Variants in B3GALT1 observed in about 807,000 individuals in gnomAD.
B3GALT1 encodes the protein beta-1,3-galactosyltransferase 1.
Under a neutral mutation model 23.2 loss-of-function variants are expected in B3GALT1, and 10 were observed. The ratio of observed to expected loss-of-function variants is 0.43; its 90% CI spans 0.27 to 0.73. The LOEUF is 0.73. B3GALT1 is among the 30% of genes least tolerant of loss of function. The probability of loss-of-function intolerance (pLI) is 0.21; values close to 1 mark genes in which losing one functional copy is unlikely to be tolerated. For synonymous variants in B3GALT1, 156 were observed against 141.5 expected (o/e 1.10, Z -0.73); for missense variants, 299 against 405.4 (o/e 0.74, Z 2.25).
chr2:167,325,610 G>A (rs1183374009), intron 1 of B3GALT1, among the ~76,000 whole-genome samples: 1 of 151,696 alleles, frequency 6.6e-6, no homozygotes. Flanking sequence ...TGAGATTTGG[G>A]TGAAAACACA....
intron 3 of B3GALT1, among the ~76,000 whole-genome samples, chr2:167,816,367 A>C (rs1045380094): frequency 1.3e-5 from 2 of 152,242 alleles, no homozygotes; most frequent in Non-Finnish European, 2.9e-5. Context: ...TAAAAGTTAC[A>C]TCTAAGTAAG....
chr2:167,509,640 C>G (rs1699973752), intron 2 of B3GALT1, among the ~76,000 whole-genome samples: 1 of 152,052 alleles, frequency 6.6e-6, no homozygotes, highest in Non-Finnish European at 1.5e-5. Flanking sequence ...CAACTAAAAG[C>G]ATTAGGAGGT....
intron 3 of B3GALT1, among the ~76,000 whole-genome samples, chr2:167,773,290 G>A: frequency 6.6e-6 from 1 of 152,168 alleles, no homozygotes; most frequent in South Asian, 2.1e-4. Flanking sequence ...GTGTATATAT[G>A]TATGTATATA....
chr2:167,457,829 T>C (rs1166210361), intron 1 of B3GALT1, among the ~76,000 whole-genome samples: 1 of 152,092 alleles, frequency 6.6e-6, no homozygotes, highest in Non-Finnish European at 1.5e-5. Flanking sequence ...AAATGTGATT[T>C]TGTGGCCCCA....
intron 2 of B3GALT1, among the ~76,000 whole-genome samples, chr2:167,619,624 A>G (rs1054792985): frequency 2.0e-5 from 3 of 152,148 alleles, no homozygotes; most frequent in East Asian, 1.9e-4. Flanking sequence ...AACTGGTTTC[A>G]TGATTTTAAT....
chr2:167,763,707 A>AAC lies in B3GALT1; in HGVS notation c.-351-54964_-351-54963insCA, dbSNP rs1687931249. Among the ~76,000 whole-genome samples the AAC allele has an allele frequency of 2.0e-5, 3 of 151,766 alleles. No individual in the cohort carries two copies. In the East Asian group the frequency reaches 5.8e-4, roughly 29 times the overall value. ...CTCTGTCAGAAAAAAAAAAAAAAAA[A>AAC]AAAACCTCTAGGAAACTATTCAGGT... On this transcript the variant is annotated intron_variant, in intron 3 of 4. Transcript: ENST00000392690.
intron 2 of B3GALT1, among the ~76,000 whole-genome samples, chr2:167,509,885 A>G (rs1699979133): frequency 6.6e-6 from 1 of 152,148 alleles, no homozygotes; most frequent in African/African-American, 2.4e-5. Flanking sequence ...AGGATTTATT[A>G]CTCTGGCTGC....
intron 1 of B3GALT1, among the ~76,000 whole-genome samples, chr2:167,342,585 A>C (rs1354097717): frequency 2.7e-5 from 4 of 149,578 alleles, no homozygotes; most frequent in African/African-American, 9.9e-5. Flanking sequence ...GAGAGACTTC[A>C]TCTCAAAAAA....
chr2:167,524,409 A>G (rs911807339), intron 2 of B3GALT1, among the ~76,000 whole-genome samples: 2 of 152,180 alleles, frequency 1.3e-5, no homozygotes, highest in Admixed American at 1.3e-4. Context: ...TTTCTTCTCC[A>G]GGGTAAATAA....
rs78566010 is a variant in B3GALT1 at position 167,670,830 on chromosome 2, A to C, written c.-352+23864A>C. Among the ~76,000 whole-genome samples, 1,193 of 152,304 alleles carry C rather than the reference A, an allele frequency of 7.8e-3. 16 individuals carry two copies. The highest frequency in any genetic ancestry group is 0.027 in the African/African-American group (1,121 of 41,564). On this transcript the variant is annotated intron_variant, in intron 3 of 4. Coordinates refer to ENST00000392690, the MANE Select transcript of B3GALT1 (RefSeq NM_020981.4). ...AGAAAGAATTTGTGAACTCAAAGAC[A>C]AGTCACTATTCAATCAGAGGAGAAA...
At chr2:167,562,324 T>A (rs1389239372) in intron 2 of B3GALT1, among the ~76,000 whole-genome samples, 13 of 152,156 alleles carry the variant, frequency 8.5e-5, no homozygotes, top group Admixed American at 4.6e-4. Context: ...ATAAGAGCTA[T>A]CTATGACAAA....
chr2:167,794,690 A>G (rs1245628088), intron 3 of B3GALT1, among the ~76,000 whole-genome samples: 1 of 152,234 alleles, frequency 6.6e-6, no homozygotes, highest in Non-Finnish European at 1.5e-5. Context: ...TTTTTCTAAC[A>G]TGCTATTTGT....
intron 1 of B3GALT1, among the ~76,000 whole-genome samples, chr2:167,356,363 G>A (rs1031983614): frequency 1.3e-5 from 2 of 152,158 alleles, no homozygotes; most frequent in African/African-American, 2.4e-5. Context: ...AGATTAGAGC[G>A]ATGTATTTAT....
chr2:167,575,991 C>T (rs890536976), intron 2 of B3GALT1, among the ~76,000 whole-genome samples: 1 of 151,538 alleles, frequency 6.6e-6, no homozygotes, highest in Non-Finnish European at 1.5e-5. Context: ...AATCTTATAC[C>T]CTTAATAAAA....
chr2:167,312,924 T>A (rs1696655112), intron 1 of B3GALT1, among the ~76,000 whole-genome samples: 1 of 152,042 alleles, frequency 6.6e-6, no homozygotes. Context: ...TCACAAAATA[T>A]ACATAAGTAG....
Position 167,551,051 on chromosome 2 carries a change from C to T in B3GALT1, c.-410+60774C>T, listed in dbSNP as rs1239512207. Among the ~76,000 whole-genome samples, 9 of 134,562 alleles carry T rather than the reference C, an allele frequency of 6.7e-5. No homozygotes were observed. The East Asian group carries it at 1.2e-3, about 17-fold the overall frequency. The allele number at this position is 134,562 out of a possible 152,430, so 88.3% of individuals were successfully genotyped here. On this transcript the variant is annotated intron_variant, in intron 2 of 4. Transcript: ENST00000392690. Reference sequence around the variant, plus strand: ...ACATGAGAAAAGATGGTGGTGATGTCGGATTGCCCAGGACATTGTATAGGC... The same window carrying T: ...ACATGAGAAAAGATGGTGGTGATGTTGGATTGCCCAGGACATTGTATAGGC...
chr2:167,673,671 C>T (rs1429343111), intron 3 of B3GALT1, among the ~76,000 whole-genome samples: 3 of 151,982 alleles, frequency 2.0e-5, no homozygotes, highest in Admixed American at 2.0e-4. Context: ...CCAAAAGGGT[C>T]TTAAACAAAT....
At chr2:167,318,491 A>G (rs916211176) in intron 1 of B3GALT1, among the ~76,000 whole-genome samples, 1 of 152,020 alleles carries the variant, frequency 6.6e-6, no homozygotes, top group Admixed American at 6.5e-5. Context: ...TTCTGCAGTC[A>G]GGCTCTTATC....
At chr2:167,582,671 ATTGG>A (rs1185373780) in intron 2 of B3GALT1, among the ~76,000 whole-genome samples, 2 of 152,078 alleles carry the variant, frequency 1.3e-5, no homozygotes, top group Admixed American at 1.3e-4. Flanking sequence ...GATCTAGTAC[ATTGG>A]TTAGGAGCGG....
Sources: allele counts gnomAD v4.1 joint callset (sites outside exome capture counted in the v4.1 genomes callset), GRCh38; gene constraint gnomAD v4.1.1; transcripts MANE v1.5; gene names NCBI Gene and HGNC (gene_info 2026-07-23, HGNC 2026-07-21).